The following BACE2 variants were observed in gnomAD, a reference collection of about 807,000 sequenced individuals.
The protein encoded by BACE2 is beta-secretase 2, also known as 56 kDa aspartic-like protease.
BACE2 carries 17 observed loss-of-function variants against 46.2 expected under a neutral mutation model. The observed-to-expected ratio is 0.37, with a 90% CI of 0.25 to 0.55. The LOEUF is 0.55. BACE2 is among the 20% of genes least tolerant of loss of function. BACE2 has a pLI of 0.82. For synonymous variants in BACE2, 277 were observed against 295.9 expected (o/e 0.94, Z 0.66); for missense variants, 595 against 698.1 (o/e 0.85, Z 1.66).
At chr21:41,255,217 T>TGGGC (rs1354556711) in intron 7 of BACE2, among the ~76,000 whole-genome samples, 1 of 151,948 alleles carries the variant, frequency 6.6e-6, no homozygotes, top group Non-Finnish European at 1.5e-5. Context: ...GATTGAGAGG[T>TGGGC]GGGCAGGCAG....
intron 3 of BACE2, among the ~76,000 whole-genome samples, chr21:41,239,131 A>G (rs1987217559): frequency 6.6e-6 from 1 of 151,370 alleles, no homozygotes; most frequent in Non-Finnish European, 1.5e-5. Context: ...TCCCATGAGG[A>G]TAATCTTCCC....
chr21:41,239,755 C>T (rs1987235732), intron 3 of BACE2, among the ~76,000 whole-genome samples: 1 of 152,238 alleles, frequency 6.6e-6, no homozygotes, highest in Non-Finnish European at 1.5e-5. Flanking sequence ...TGGAGCTTCT[C>T]ACTGTCTGCA....
At chr21:41,252,166 A>G (rs954107829) in intron 7 of BACE2, among the ~76,000 whole-genome samples, 2 of 152,082 alleles carry the variant, frequency 1.3e-5, no homozygotes, top group Non-Finnish European at 2.9e-5. Context: ...CGTCCCCATG[A>G]TTTAAATGCT....
chr21:41,220,363 C>G (rs566845921), intron 1 of BACE2, among the ~76,000 whole-genome samples: 3 of 152,304 alleles, frequency 2.0e-5, no homozygotes, highest in Non-Finnish European at 4.4e-5. Flanking sequence ...AGCTCCTCCC[C>G]ACTCCCCAAG....
chr21:41,242,890 G>A (rs539665823), intron 4 of BACE2, among the ~76,000 whole-genome samples: 39 of 152,054 alleles, frequency 2.6e-4, no homozygotes, highest in African/African-American at 8.4e-4. Context: ...AAAATTCCTT[G>A]TTTTATTTTA....
rs575311023 is a variant in BACE2 at position 41,234,201 on chromosome 21, C to A, written c.402-3312C>A. Among the ~76,000 whole-genome samples the A allele has an allele frequency of 1.4e-4, 21 of 152,300 alleles. No individual in the cohort carries two copies. The South Asian group carries it at 3.7e-3, about 27-fold the overall frequency. Reference sequence around the variant, plus strand: ...CCCTTTCACTGGCTTTCATTTCTCTCTTCCCTTCCCCATGTAAGACATGCC... The same window carrying A: ...CCCTTTCACTGGCTTTCATTTCTCTATTCCCTTCCCCATGTAAGACATGCC... On this transcript the variant is annotated intron_variant, in intron 2 of 8. Coordinates refer to ENST00000330333, the MANE Select transcript of BACE2 (RefSeq NM_012105.5).
chr21:41,216,494 A>G (rs896525807), intron 1 of BACE2, among the ~76,000 whole-genome samples: 1 of 152,246 alleles, frequency 6.6e-6, no homozygotes, highest in Non-Finnish European at 1.5e-5. Flanking sequence ...TCACCTGTGT[A>G]AAAGAATGCA....
chr21:41,237,403 G>A (rs531262521), intron 2 of BACE2, 110 bp from the exon 3 acceptor site: 20 of 741,714 alleles, frequency 2.7e-5, no homozygotes, highest in East Asian at 1.0e-4. Context: ...CCAAGATCCC[G>A]CCACTGCACT....
At chr21:41,229,622 T>C (rs1450149357) in intron 2 of BACE2, among the ~76,000 whole-genome samples, 1 of 150,994 alleles carries the variant, frequency 6.6e-6, no homozygotes, top group Non-Finnish European at 1.5e-5. Flanking sequence ...ATGTGCAATA[T>C]TTCATCAACC....
chr21:41,221,839 A>AAAAG (rs1986665621), intron 1 of BACE2, among the ~76,000 whole-genome samples: 1 of 144,532 alleles, frequency 6.9e-6, no homozygotes, highest in African/African-American at 2.9e-5. Flanking sequence ...AAAAAAAAAA[A>AAAAG]AAAAAAAAAA....
intron 1 of BACE2, among the ~76,000 whole-genome samples, chr21:41,204,109 C>T (rs1283938071): frequency 1.3e-5 from 2 of 152,180 alleles, no homozygotes; most frequent in African/African-American, 4.8e-5. Context: ...CTCCGCCTCC[C>T]GGGTTCAAGC....
intron 1 of BACE2, chr21:41,181,403 G>A (rs1490063486): frequency 6.0e-6 from 1 of 167,096 alleles, no homozygotes; most frequent in Non-Finnish European, 1.5e-5. Flanking sequence ...CTAGAAGAAG[G>A]TAGTACTGTC....
At chr21:41,245,507 T>C (rs1045654858) in intron 5 of BACE2, among the ~76,000 whole-genome samples, 1 of 152,262 alleles carries the variant, frequency 6.6e-6, no homozygotes, top group Non-Finnish European at 1.5e-5. Context: ...ATGGGATGTC[T>C]GTTGAAAAAT....
intron 1 of BACE2, among the ~76,000 whole-genome samples, chr21:41,198,096 A>G (rs1985803120): frequency 6.6e-6 from 1 of 152,144 alleles, no homozygotes; most frequent in Admixed American, 6.5e-5. Context: ...GGTTCAAGCA[A>G]TTCTCGTGCC....
At chr21:41,174,139 C>CTTTTTTTTTT (rs1328562900) in intron 1 of BACE2, among the ~76,000 whole-genome samples, 1 of 48,500 alleles carries the variant, frequency 2.1e-5, no homozygotes, top group Non-Finnish European at 3.1e-5. Context: ...GATCAGTGGC[C>CTTTTTTTTTT]TTTTTTTTTT....
chr21:41,220,776 C>T (rs1057060557), intron 1 of BACE2, among the ~76,000 whole-genome samples: 3 of 151,474 alleles, frequency 2.0e-5, no homozygotes, highest in African/African-American at 7.3e-5. Context: ...CCAAACACCT[C>T]TGTAAAGGAG....
In BACE2 at chr21:41,277,820, T is replaced by C. The variant is rs1215578964; in HGVS notation, c.*2196T>C. The C allele has an allele frequency of 1.3e-5, 2 of 152,266 alleles. No individual in the cohort carries two copies. Among genetic ancestry groups the C allele is most frequent in the African/African-American group, 4.8e-5 (2 of 41,472 alleles). The allele number at this position is 152,266 out of a possible 1,614,324, so 9.4% of individuals were successfully genotyped here. ...AGTAGGTGAATGAAGTTTGCCGTCA[T>C]GCTCTGTATTTCATATCAGATTTCT... On this transcript the variant is annotated 3_prime_UTR_variant, in exon 9 of 9. Coordinates refer to ENST00000330333, the MANE Select transcript of BACE2 (RefSeq NM_012105.5).
intron 1 of BACE2, among the ~76,000 whole-genome samples, chr21:41,195,860 A>T (rs1985715484): frequency 6.6e-6 from 1 of 152,268 alleles, no homozygotes; most frequent in Non-Finnish European, 1.5e-5. Context: ...AGTATAACTT[A>T]CATGGCTTGT....
chr21:41,231,817 G>C (rs1420990654), intron 2 of BACE2, among the ~76,000 whole-genome samples: 1 of 152,138 alleles, frequency 6.6e-6, no homozygotes, highest in African/African-American at 2.4e-5. Flanking sequence ...TTATTGTGCA[G>C]AGCAATTGAG....
Sources: gnomAD v4.1 joint callset for allele counts (sites outside exome capture counted in the v4.1 genomes callset) on GRCh38, gnomAD v4.1.1 for gene constraint, MANE v1.5 for transcripts, NCBI Gene and HGNC (gene_info 2026-07-23, HGNC 2026-07-21) for gene names.